Variants in FSTL4 observed in about 807,000 individuals in gnomAD.
FSTL4 encodes the protein follistatin-related protein 4.
FSTL4 carries 28 observed loss-of-function variants against 78.2 expected under a neutral mutation model. That is an observed-to-expected ratio of 0.36 (90% confidence interval 0.27 to 0.49). The LOEUF is 0.49. Among genes scored for constraint, FSTL4 ranks in the 20% least tolerant of loss-of-function variants. FSTL4 has a pLI of 0.98. For synonymous variants in FSTL4, 422 were observed against 440.5 expected (o/e 0.96, Z 0.53); for missense variants, 922 against 1,084.9 (o/e 0.85, Z 2.11).
At chr5:133,622,729 T>G in the FSTL4 span, among the ~76,000 whole-genome samples, 1 of 152,178 alleles carries the variant, frequency 6.6e-6, no homozygotes, top group African/African-American at 2.4e-5. Flanking sequence ...TTTGGTGAAA[T>G]ATCTCTTCAT....
At chr5:133,695,842 T>A in the FSTL4 span, among the ~76,000 whole-genome samples, 3 of 152,144 alleles carry the variant, frequency 2.0e-5, no homozygotes, top group African/African-American at 7.2e-5. Context: ...AGTAAAGATG[T>A]GAGTGACCTC....
At chr5:133,519,216 T>C (rs531437458) in intron 3 of FSTL4, among the ~76,000 whole-genome samples, 2 of 152,380 alleles carry the variant, frequency 1.3e-5, no homozygotes, top group African/African-American at 2.4e-5. Context: ...GGCCACCATT[T>C]GTTCTGACTG....
intron 4 of FSTL4, among the ~76,000 whole-genome samples, chr5:133,362,092 C>T (rs1214288013): frequency 6.6e-6 from 1 of 152,158 alleles, no homozygotes; most frequent in Non-Finnish European, 1.5e-5. Flanking sequence ...AGTTGTTCAT[C>T]ATTATCTCGT....
chr5:133,468,462 G>C (rs1051773116), intron 3 of FSTL4, among the ~76,000 whole-genome samples: 1 of 152,336 alleles, frequency 6.6e-6, no homozygotes, highest in African/African-American at 2.4e-5. Context: ...ATGGAAGAAG[G>C]TGACTGTGGC....
intron 2 of FSTL4, among the ~76,000 whole-genome samples, chr5:133,597,887 T>A (rs544028495): frequency 9.9e-5 from 15 of 152,190 alleles, no homozygotes; most frequent in Non-Finnish European, 1.5e-4. Flanking sequence ...CTGTTGGTCC[T>A]TGGAGCAGGG....
At chr5:133,367,942 C>G (rs532368472) in intron 4 of FSTL4, among the ~76,000 whole-genome samples, 1 of 152,318 alleles carries the variant, frequency 6.6e-6, no homozygotes, top group South Asian at 2.1e-4. Flanking sequence ...GTGAATAAAC[C>G]CAGATCCAAC....
chr5:133,795,510 G>A, the FSTL4 span, among the ~76,000 whole-genome samples: 1 of 152,180 alleles, frequency 6.6e-6, no homozygotes, highest in Non-Finnish European at 1.5e-5. Flanking sequence ...ATAAGTTTAG[G>A]AAACACAGGA....
chr5:133,428,478 C>CA (rs1756873479), intron 3 of FSTL4, among the ~76,000 whole-genome samples: 1 of 152,176 alleles, frequency 6.6e-6, no homozygotes, highest in Admixed American at 6.5e-5. Flanking sequence ...ACACGAACAA[C>CA]AGAAGGGTCA....
intron 3 of FSTL4, among the ~76,000 whole-genome samples, chr5:133,416,687 G>A (rs1010251889): frequency 6.6e-6 from 1 of 152,092 alleles, no homozygotes; most frequent in African/African-American, 2.4e-5. Flanking sequence ...AGAAGAGCTC[G>A]GCATAATTTC....
At chr5:133,582,474 G>C (rs1403317646) in intron 2 of FSTL4, among the ~76,000 whole-genome samples, 1 of 152,142 alleles carries the variant, frequency 6.6e-6, no homozygotes, top group Admixed American at 6.5e-5. Context: ...CAGCATCCTG[G>C]TTGTGCCCCC....
At chr5:133,494,094 C>G (rs1367968072) in intron 3 of FSTL4, among the ~76,000 whole-genome samples, 4 of 152,158 alleles carry the variant, frequency 2.6e-5, no homozygotes, top group African/African-American at 9.7e-5. Context: ...ATATCTGGTT[C>G]CTATGACAGC....
chr5:133,656,678 G>T, the FSTL4 span, among the ~76,000 whole-genome samples: 2 of 152,160 alleles, frequency 1.3e-5, no homozygotes, highest in African/African-American at 2.4e-5. Context: ...TGTTGAGAAT[G>T]GCATTAGAGG....
chr5:133,620,008 A>G, the FSTL4 span, among the ~76,000 whole-genome samples: 1 of 152,212 alleles, frequency 6.6e-6, no homozygotes, highest in South Asian at 2.1e-4. Flanking sequence ...TAACAAGTAT[A>G]TAATATTTAA....
At chr5:133,651,895 T>A in the FSTL4 span, among the ~76,000 whole-genome samples, 1 of 152,166 alleles carries the variant, frequency 6.6e-6, no homozygotes, top group Non-Finnish European at 1.5e-5. Flanking sequence ...AGAATTCACC[T>A]GTCATCCATC....
At chr5:133,591,781 G>A (rs550885496) in intron 2 of FSTL4, among the ~76,000 whole-genome samples, 2 of 152,260 alleles carry the variant, frequency 1.3e-5, no homozygotes, top group South Asian at 4.1e-4. Context: ...AGGGAGAAAT[G>A]GAGAAGGGAG....
intron 4 of FSTL4, among the ~76,000 whole-genome samples, chr5:133,325,798 C>G (rs1315827839): frequency 6.6e-6 from 1 of 152,178 alleles, no homozygotes; most frequent in East Asian, 1.9e-4. Context: ...GAGAACCCCC[C>G]CAGAGAGGCC....
the FSTL4 span, among the ~76,000 whole-genome samples, chr5:133,690,659 C>A: frequency 1.3e-5 from 2 of 152,140 alleles, no homozygotes; most frequent in Non-Finnish European, 2.9e-5. Context: ...AGATGCAGGG[C>A]AAACACGCAG....
At chr5:133,600,736 T>C (rs572321853) in intron 2 of FSTL4, among the ~76,000 whole-genome samples, 1 of 152,356 alleles carries the variant, frequency 6.6e-6, no homozygotes, top group South Asian at 2.1e-4. Flanking sequence ...AAGTAATTGG[T>C]ATAATAACTT....
At chr5:133,680,195 C>T in the FSTL4 span, among the ~76,000 whole-genome samples, 2 of 152,236 alleles carry the variant, frequency 1.3e-5, no homozygotes, top group South Asian at 4.1e-4. Context: ...TTAATTCATA[C>T]TTTCATTCAT....
Sources: allele counts gnomAD v4.1 joint callset (sites outside exome capture counted in the v4.1 genomes callset), GRCh38; gene constraint gnomAD v4.1.1; transcripts MANE v1.5; gene names NCBI Gene and HGNC (gene_info 2026-07-23, HGNC 2026-07-21).